The following DOCK10 variants were observed in gnomAD, a reference collection of about 807,000 sequenced individuals.
DOCK10 encodes the protein dedicator of cytokinesis protein 10.
A neutral mutation model predicts 280.1 loss-of-function variants in DOCK10; 145 were observed. The ratio of observed to expected loss-of-function variants is 0.52; its 90% CI spans 0.45 to 0.59. The LOEUF is 0.59. Ranked by LOEUF, DOCK10 falls within the 20% of genes least tolerant of loss-of-function variation. The pLI is 0.00. For synonymous variants in DOCK10, 915 were observed against 942.2 expected (o/e 0.97, Z 0.53); for missense variants, 2,368 against 2,651.7 (o/e 0.89, Z 2.35).
At position 224,898,612 on chromosome 2, in the gene DOCK10, T is replaced by C. The variant is rs527820075; in HGVS notation, c.334-2235A>G. ...TTTTTTTTGAGACGGAGTCTCGCTC[T>C]GTCGCCGAGGCTGGAGTGCAGTGGC... On this transcript the variant is annotated intron_variant, in intron 3 of 55. Coordinates refer to ENST00000258390, the MANE Select transcript of DOCK10 (RefSeq NM_014689.3). 8.5e-5 allele frequency among the ~76,000 whole-genome samples: 13 copies of C among 152,376 alleles called. No homozygotes were observed. In the South Asian group the frequency reaches 2.7e-3, roughly 32 times the overall value.
At position 224,981,684 on chromosome 2, in the gene DOCK10, A is replaced by T. The variant is rs184983928; in HGVS notation, c.124-50016T>A. On this transcript the variant is annotated intron_variant, in intron 1 of 55. Coordinates refer to ENST00000258390, the MANE Select transcript of DOCK10 (RefSeq NM_014689.3). ...ATGAAAACACTATGCATTCTACAAA[A>T]TTCTTAATTCTTTATTCTAATATTG... is the stretch of plus-strand genomic sequence containing the variant. Among the ~76,000 whole-genome samples the T allele has an allele frequency of 2.7e-3, 405 of 152,348 alleles. 2 individuals are homozygous for T. Among genetic ancestry groups the T allele is most frequent in the African/African-American group, 9.4e-3 (392 of 41,574 alleles).
intron 47 of DOCK10, among the ~76,000 whole-genome samples, chr2:224,790,604 G>A (rs1692111770): frequency 6.6e-6 from 1 of 151,874 alleles, no homozygotes; most frequent in African/African-American, 2.4e-5. Flanking sequence ...TCTAATCCTT[G>A]CTTCTAAATA....
At chr2:224,982,593 C>T (rs764520298) in intron 1 of DOCK10, 6 of 861,480 alleles carry the variant, frequency 7.0e-6, no homozygotes, top group African/African-American at 3.7e-5. Context: ...TAGAGCACTG[C>T]GCTCAGAAAG....
chr2:224,855,064 GACACACACACACACACACACACACACAC>G, intron 15 of DOCK10, 22 bp from the exon 16 acceptor site: 1 of 574,248 alleles, frequency 1.7e-6, no homozygotes, highest in Non-Finnish European at 3.0e-6. Flanking sequence ...CATGAGCAAG[GACACACACACACACACACACACACACAC>G]ACACACACAG....
chr2:224,786,882 T>C lies in DOCK10; in HGVS notation c.5655+140A>G, dbSNP rs535886810. ...ATGGATAAACATATAGACCATCACA[T>C]CCAGAGAAACACTCAAGTATAGTCA... is the stretch of plus-strand genomic sequence containing the variant. On this transcript the variant is annotated intron_variant, in intron 50 of 55. Coordinates refer to ENST00000258390, the MANE Select transcript of DOCK10 (RefSeq NM_014689.3). The surrounding 1 kb of genome is among the most constrained non-coding windows in gnomAD (Gnocchi z 4.7). The C allele has an allele frequency of 7.5e-6, 5 of 669,938 alleles. No individual in the cohort carries two copies. In the South Asian group the frequency reaches 8.8e-5, roughly 12 times the overall value. The allele number at this position is 669,938 out of a possible 1,614,324, so 41.5% of individuals were successfully genotyped here. A position where few individuals can be genotyped will look rare whatever the true frequency, so the allele number is the denominator to read the frequency against.
At chr2:225,026,837 C>A (rs542211972) in intron 1 of DOCK10, among the ~76,000 whole-genome samples, 1 of 152,138 alleles carries the variant, frequency 6.6e-6, no homozygotes, top group Non-Finnish European at 1.5e-5. Flanking sequence ...CATTTTTCCT[C>A]AAATTGTTCC....
intron 1 of DOCK10, among the ~76,000 whole-genome samples, chr2:225,015,069 G>C (rs1186945570): frequency 6.6e-6 from 1 of 152,130 alleles, no homozygotes; most frequent in Admixed American, 6.5e-5. Flanking sequence ...TTCGCTCCTG[G>C]GAACAGGAGG....
intron 47 of DOCK10, among the ~76,000 whole-genome samples, chr2:224,791,677 T>G (rs1282827492): frequency 6.6e-6 from 1 of 150,790 alleles, no homozygotes; most frequent in Non-Finnish European, 1.5e-5. Flanking sequence ...GGTTTCATCA[T>G]CTTGGCCAGG....
In DOCK10 at chr2:224,893,651, C is replaced by T. The variant is rs374259701; in HGVS notation, c.416+2644G>A. On this transcript the variant is annotated intron_variant, in intron 4 of 55. Coordinates refer to ENST00000258390, the MANE Select transcript of DOCK10 (RefSeq NM_014689.3). ...TCTTCAGTATCTTCCTATGGACCCT[C>T]GCTTAAAAATAAAAAAAGTGAAAAT... 6 of 455,054 alleles carry T rather than the reference C, an allele frequency of 1.3e-5. No homozygotes were observed. In the East Asian group the frequency reaches 2.1e-4, roughly 16 times the overall value. 28.2% of individuals were successfully genotyped at this position (455,054 alleles called of 1,614,324 possible).
intron 22 of DOCK10, 82 bp downstream of exon 22, chr2:224,844,671 A>C: frequency 1.1e-6 from 1 of 876,952 alleles, no homozygotes; most frequent in Middle Eastern, 2.2e-4. Context: ...TGAAATGATT[A>C]GTCTCATCCT....
At chr2:224,790,450 G>A (rs959907713) in intron 47 of DOCK10, among the ~76,000 whole-genome samples, 1 of 152,160 alleles carries the variant, frequency 6.6e-6, no homozygotes, top group African/African-American at 2.4e-5. Context: ...TTAGTGTGGT[G>A]CCTTCTATGT....
At chr2:224,902,496 T>C (rs1456249655) in intron 3 of DOCK10, among the ~76,000 whole-genome samples, 2 of 152,134 alleles carry the variant, frequency 1.3e-5, no homozygotes, top group Non-Finnish European at 2.9e-5. Flanking sequence ...ATGTTGAAAA[T>C]GAAGCATCAT....
At chr2:225,009,119 T>TA (rs1689358940) in intron 1 of DOCK10, among the ~76,000 whole-genome samples, 1 of 152,188 alleles carries the variant, frequency 6.6e-6, no homozygotes, top group Admixed American at 6.5e-5. Context: ...AGTGAGGCTA[T>TA]ACCGCCCTCT....
chr2:224,866,789 G>A (rs1385967973), intron 11 of DOCK10, among the ~76,000 whole-genome samples: 1 of 152,098 alleles, frequency 6.6e-6, no homozygotes, highest in Non-Finnish European at 1.5e-5. Flanking sequence ...ACGATAATTA[G>A]TGTTAGTGTG....
intron 31 of DOCK10, among the ~76,000 whole-genome samples, chr2:224,814,053 A>C (rs967540693): frequency 9.2e-5 from 14 of 152,240 alleles, no homozygotes; most frequent in African/African-American, 3.4e-4. Flanking sequence ...AATTTCATTT[A>C]TGATACAAAT....
Position 224,805,198 on chromosome 2 carries a change from C to A in DOCK10, c.4051+8G>T, listed in dbSNP as rs1430930065. The A allele has an allele frequency of 3.1e-6, 5 of 1,605,712 alleles. No homozygotes were observed. The highest frequency in any genetic ancestry group is 4.2e-6 in the Non-Finnish European group (5 of 1,176,702). Reference sequence around the variant, plus strand: ...CTTTTTTCAAAAAAATTAAAGAATTCTCTTTACCGTACGAAATCGTTTTCA... The same window carrying A: ...CTTTTTTCAAAAAAATTAAAGAATTATCTTTACCGTACGAAATCGTTTTCA... On this transcript the variant is annotated splice_region_variant and intron_variant, in intron 36 of 55. Transcript: ENST00000258390. This position sits in a 1 kb window ranked among gnomAD's most constrained non-coding sequence, Gnocchi z 4.3.
At chr2:224,852,574 A>G (rs777158082) in intron 17 of DOCK10, 132 bp from the exon 18 acceptor site, 9 of 712,270 alleles carry the variant, frequency 1.3e-5, no homozygotes, top group Non-Finnish European at 1.9e-5. Context: ...TTGTGACATT[A>G]TCCATAATCT....
chr2:225,009,845 T>C (rs987313054), intron 1 of DOCK10, among the ~76,000 whole-genome samples: 9 of 152,182 alleles, frequency 5.9e-5, no homozygotes, highest in African/African-American at 1.9e-4. Flanking sequence ...CAGGCTGATG[T>C]GGATGTGATC....
intron 11 of DOCK10, among the ~76,000 whole-genome samples, chr2:224,866,790 T>C (rs188870602): frequency 1.3e-5 from 2 of 152,170 alleles, no homozygotes; most frequent in African/African-American, 4.8e-5. Context: ...CGATAATTAG[T>C]GTTAGTGTGA....
Sources: allele counts gnomAD v4.1 joint callset (sites outside exome capture counted in the v4.1 genomes callset), GRCh38; gene constraint gnomAD v4.1.1; non-coding constraint Gnocchi (gnomAD v3.1); transcripts MANE v1.5; gene names NCBI Gene and HGNC (gene_info 2026-07-23, HGNC 2026-07-21).